KCNIP1: variants seen among roughly 807,000 people sequenced by gnomAD.
KCNIP1 encodes potassium voltage-gated channel interacting protein 1.
A neutral mutation model predicts 33.0 loss-of-function variants in KCNIP1; 18 were observed. The ratio of observed to expected loss-of-function variants is 0.55; its 90% CI spans 0.38 to 0.81. KCNIP1 has a LOEUF of 0.81. Among genes scored for constraint, KCNIP1 ranks in the 30% least tolerant of loss-of-function variants. The pLI, the probability that KCNIP1 is intolerant of heterozygous loss-of-function variation, is 0.00. For missense variants in KCNIP1, 238 were observed against 271.6 expected, an observed-to-expected ratio of 0.88 and a Z score of 0.87; for synonymous variants, 93 against 98.3, an observed-to-expected ratio of 0.95 and a Z score of 0.32.
In KCNIP1 at chr5:170,495,625, A is replaced by G. The variant is rs141690548; in HGVS notation, c.88+141661A>G. Among the ~76,000 whole-genome samples the G allele has an allele frequency of 2.3e-3, 355 of 152,178 alleles. 2 individuals carry two copies. The highest frequency in any genetic ancestry group is 7.1e-3 in the African/African-American group (294 of 41,502). On this transcript the variant is annotated intron_variant, in intron 1 of 7. Coordinates refer to the KCNIP1 transcript ENST00000377360. The stretch of plus-strand genomic sequence containing the variant: ...TGCCTGAGGTGGAGGACAAGGGCAA[A>G]CCCCTCTTGCTCCTGCCCTCCAACC...
chr5:170,607,421 G>T (rs528062965), intron 1 of KCNIP1, among the ~76,000 whole-genome samples: 3 of 152,148 alleles, frequency 2.0e-5, no homozygotes, highest in Non-Finnish European at 1.5e-5. Context: ...GATGACCACC[G>T]TATGCTCCAA....
intron 5 of KCNIP1, among the ~76,000 whole-genome samples, chr5:170,727,233 T>G (rs547509372): frequency 6.6e-6 from 1 of 152,338 alleles, no homozygotes; most frequent in South Asian, 2.1e-4. Flanking sequence ...TCCATTTACA[T>G]GAGATTTTAG....
intron 1 of KCNIP1, among the ~76,000 whole-genome samples, chr5:170,560,870 A>G (rs888529228): frequency 1.3e-5 from 2 of 150,260 alleles, no homozygotes; most frequent in African/African-American, 4.9e-5. Flanking sequence ...CTTCCCCTCC[A>G]TTTCCTTCTC....
intron 1 of KCNIP1, among the ~76,000 whole-genome samples, chr5:170,409,698 C>T (rs75360694): frequency 0.015 from 2,267 of 152,234 alleles, 35 homozygotes; most frequent in East Asian, 0.069. Flanking sequence ...GGAATTCCAC[C>T]GACAGCAGGG....
chr5:170,430,198 T>C (rs751292616), intron 1 of KCNIP1, among the ~76,000 whole-genome samples: 2 of 152,222 alleles, frequency 1.3e-5, no homozygotes, highest in Non-Finnish European at 2.9e-5. Flanking sequence ...CTGGATGGTG[T>C]GGTGGGCGGA....
chr5:170,462,758 T>C (rs1388466396), intron 1 of KCNIP1, among the ~76,000 whole-genome samples: 1 of 151,164 alleles, frequency 6.6e-6, no homozygotes, highest in Admixed American at 6.6e-5. Context: ...CGAGTGGATA[T>C]ATATATATAT....
At chr5:170,594,977 C>A (rs1317346939) in intron 1 of KCNIP1, among the ~76,000 whole-genome samples, 1 of 152,186 alleles carries the variant, frequency 6.6e-6, no homozygotes, top group Non-Finnish European at 1.5e-5. Context: ...TTAAATGCCA[C>A]ATGAGCGGCT....
chr5:170,514,112 A>G (rs1418336498), intron 1 of KCNIP1, among the ~76,000 whole-genome samples: 1 of 152,176 alleles, frequency 6.6e-6, no homozygotes, highest in Non-Finnish European at 1.5e-5. Flanking sequence ...TCTGAGCCCC[A>G]GGAAGAGGCT....
chr5:170,692,066 T>C (rs1413188836), intron 1 of KCNIP1, among the ~76,000 whole-genome samples: 3 of 152,140 alleles, frequency 2.0e-5, no homozygotes, highest in Non-Finnish European at 4.4e-5. Context: ...AAAAATTGCT[T>C]GATATACATG....
At chr5:170,585,727 A>G (rs747563008) in intron 1 of KCNIP1, among the ~76,000 whole-genome samples, 12 of 152,222 alleles carry the variant, frequency 7.9e-5, no homozygotes, top group African/African-American at 1.9e-4. Flanking sequence ...ATGCATTCAC[A>G]GTGAATATTC....
chr5:170,623,790 G>A (rs1445218152), intron 1 of KCNIP1, among the ~76,000 whole-genome samples: 3 of 152,156 alleles, frequency 2.0e-5, no homozygotes, highest in South Asian at 2.1e-4. Flanking sequence ...TGTCAAGTGC[G>A]GGGCCCAAGT....
intron 1 of KCNIP1, among the ~76,000 whole-genome samples, chr5:170,458,922 T>C (rs150158568): frequency 6.6e-6 from 1 of 152,250 alleles, no homozygotes; most frequent in East Asian, 1.9e-4. Flanking sequence ...AATTGCAGAA[T>C]GGCTAAGAAT....
intron 1 of KCNIP1, among the ~76,000 whole-genome samples, chr5:170,529,434 C>T (rs994459699): frequency 5.9e-5 from 9 of 152,168 alleles, no homozygotes; most frequent in South Asian, 2.1e-4. Flanking sequence ...CCTTAACAAC[C>T]GAATGGACTG....
intron 1 of KCNIP1, among the ~76,000 whole-genome samples, chr5:170,420,921 G>A (rs1485191916): frequency 6.6e-6 from 1 of 152,156 alleles, no homozygotes; most frequent in East Asian, 1.9e-4. Flanking sequence ...CAATAGCCAC[G>A]TATGGCTGGG....
intron 1 of KCNIP1, among the ~76,000 whole-genome samples, chr5:170,443,410 T>C (rs1371102564): frequency 1.3e-5 from 2 of 152,108 alleles, no homozygotes; most frequent in African/African-American, 2.4e-5. Flanking sequence ...AACCAATTCA[T>C]GGAAGTGGGA....
chr5:170,539,071 G>A (rs762527532), intron 1 of KCNIP1, among the ~76,000 whole-genome samples: 1 of 151,868 alleles, frequency 6.6e-6, no homozygotes, highest in Non-Finnish European at 1.5e-5. Flanking sequence ...TCCAGAATCT[G>A]TCTCATTTCG....
intron 1 of KCNIP1, among the ~76,000 whole-genome samples, chr5:170,643,073 G>C (rs1760639483): frequency 6.6e-6 from 1 of 152,216 alleles, no homozygotes; most frequent in Non-Finnish European, 1.5e-5. Flanking sequence ...AGATTATCCA[G>C]GTGGGTTCTA....
At chr5:170,583,858 T>C (rs1019068740) in intron 1 of KCNIP1, among the ~76,000 whole-genome samples, 3 of 152,218 alleles carry the variant, frequency 2.0e-5, no homozygotes, top group African/African-American at 7.2e-5. Context: ...ATGTTATTAT[T>C]GTGGCTGCAT....
intron 1 of KCNIP1, among the ~76,000 whole-genome samples, chr5:170,419,437 A>G (rs1755421646): frequency 6.6e-6 from 1 of 152,226 alleles, no homozygotes; most frequent in East Asian, 1.9e-4. Flanking sequence ...CCCATGGAAG[A>G]AGGAAGAAGA....
Sources: allele counts gnomAD v4.1 joint callset (sites outside exome capture counted in the v4.1 genomes callset), GRCh38; gene constraint gnomAD v4.1.1; transcripts MANE v1.5; gene names NCBI Gene and HGNC (gene_info 2026-07-23, HGNC 2026-07-21).